CYLC2: variants seen among roughly 807,000 people sequenced by gnomAD.
The protein encoded by CYLC2 is cylicin 2.
Under a neutral mutation model 26.1 loss-of-function variants are expected in CYLC2, and 30 were observed. That is an observed-to-expected ratio of 1.15 (90% confidence interval 0.86 to 1.56). CYLC2 has a LOEUF of 1.56. Among genes scored for constraint, CYLC2 ranks in the 40% most tolerant of loss-of-function variants. The pLI is 0.00. For synonymous variants in CYLC2, 158 were observed against 132.8 expected, an observed-to-expected ratio of 1.19 and a Z score of -1.31; for missense variants, 498 against 394.4, an observed-to-expected ratio of 1.26 and a Z score of -2.23.
At chr9:103,014,758 G>C (rs868442600) in intron 6 of CYLC2, among the ~76,000 whole-genome samples, 4 of 18,192 alleles carry the variant, frequency 2.2e-4, no homozygotes, top group Admixed American at 8.8e-4. Flanking sequence ...ATATACATAT[G>C]TAATATACGT....
At chr9:103,006,759 T>C (rs1423591014) in intron 5 of CYLC2, among the ~76,000 whole-genome samples, 1 of 152,124 alleles carries the variant, frequency 6.6e-6, no homozygotes, top group Admixed American at 6.6e-5. Context: ...ATTGTCTTTT[T>C]CATTTTTGAG....
intron 2 of CYLC2, 107 bp from the exon 3 acceptor site, chr9:103,003,035 A>T: frequency 8.2e-7 from 1 of 1,222,636 alleles, no homozygotes; most frequent in Non-Finnish European, 1.1e-6. Context: ...TCATAATTTG[A>T]ATCACTTGTT....
intron 7 of CYLC2, among the ~76,000 whole-genome samples, chr9:103,017,719 A>T (rs1353675536): frequency 3.9e-5 from 6 of 152,072 alleles, no homozygotes; most frequent in Non-Finnish European, 7.4e-5. Context: ...TAGGACTGCC[A>T]TGACAACAAA....
chr9:103,005,573 T>G lies in CYLC2; in HGVS notation c.942T>G (p.Asp314Glu), dbSNP rs1370764467. Residue 314 changes from aspartate to glutamate, a missense_variant, in exon 5 of 8, where the codon GAT becomes GAG. Asp to Glu is a conservative substitution (Grantham distance 45). Coordinates refer to ENST00000374798, the MANE Select transcript of CYLC2 (RefSeq NM_001340.5). ...AAGATACTGAGAAAGAATCTGCTGA[T>G]TCAAAGAAGGATGCAAAGAAAAATG... ...AKKDTEKESA[D>E]SKKDAKKNAK... The G allele has an allele frequency of 3.1e-6, 5 of 1,608,608 alleles. No homozygotes were observed. In the East Asian group the frequency reaches 1.1e-4, roughly 36 times the overall value.
intron 5 of CYLC2, among the ~76,000 whole-genome samples, chr9:103,010,184 C>T (rs1028055828): frequency 6.6e-6 from 1 of 151,958 alleles, no homozygotes; most frequent in African/African-American, 2.4e-5. Context: ...TAGAAGTTGT[C>T]ATATACCAAG....
In CYLC2 at chr9:103,010,412, C is replaced by T. The variant is rs184902806; in HGVS notation, c.*701-1570C>T. On this transcript the variant is annotated intron_variant, in intron 5 of 7. Transcript: ENST00000374798. ...ACTACTATTTGCTAAACGCTTTCCT[C>T]GTATTATCACTTAATCCTCACAATC... is the stretch of plus-strand genomic sequence containing the variant. 2.5e-3 allele frequency among the ~76,000 whole-genome samples: 381 copies of T among 152,166 alleles called. 2 individuals carry two copies. The highest frequency in any genetic ancestry group is 4.4e-3 in the Non-Finnish European group (302 of 67,948).
intron 7 of CYLC2, among the ~76,000 whole-genome samples, chr9:103,017,895 G>A (rs1829523446): frequency 6.6e-6 from 1 of 151,820 alleles, no homozygotes; most frequent in Admixed American, 6.6e-5. Flanking sequence ...CCTCTGTGTG[G>A]ATCTGTGTTC....
chr9:103,013,716 A>G (rs1266346667), intron 6 of CYLC2, among the ~76,000 whole-genome samples: 2 of 111,070 alleles, frequency 1.8e-5, no homozygotes, highest in African/African-American at 7.4e-5. Flanking sequence ...TATATTATAT[A>G]TATTATGCAT....
intron 6 of CYLC2, among the ~76,000 whole-genome samples, chr9:103,013,156 T>TATATATTGTATAAATATATATTTA (rs1307625424): frequency 9.0e-6 from 1 of 111,240 alleles, no homozygotes; most frequent in South Asian, 2.8e-4. Flanking sequence ...CATATATAAA[T>TATATATTGTATAAATATATATTTA]ATATATTATA....
intron 1 of CYLC2, among the ~76,000 whole-genome samples, chr9:103,000,078 A>G (rs1829273056): frequency 6.6e-6 from 1 of 151,862 alleles, no homozygotes; most frequent in Non-Finnish European, 1.5e-5. Context: ...TTTATAATAT[A>G]AAATATTAAA....
intron 1 of CYLC2, among the ~76,000 whole-genome samples, chr9:102,996,360 C>T (rs1473459539): frequency 6.6e-6 from 1 of 151,732 alleles, no homozygotes; most frequent in Non-Finnish European, 1.5e-5. Flanking sequence ...TGTAAAATAT[C>T]GATGGTATTA....
chr9:103,015,103 GA>G (rs1829482869), intron 6 of CYLC2, among the ~76,000 whole-genome samples: 1 of 36,930 alleles, frequency 2.7e-5, no homozygotes, highest in African/African-American at 9.9e-5. Context: ...TATATCACGT[GA>G]TATACATAAC....
At chr9:103,015,559 G>A (rs1012446176) in intron 6 of CYLC2, among the ~76,000 whole-genome samples, 11 of 141,326 alleles carry the variant, frequency 7.8e-5, no homozygotes, top group Admixed American at 1.5e-4. Context: ...TAAAATATAT[G>A]TATATATACA....
intron 5 of CYLC2, among the ~76,000 whole-genome samples, chr9:103,009,032 A>G (rs79958976): frequency 5.0e-4 from 76 of 152,276 alleles, no homozygotes; most frequent in Non-Finnish European, 9.8e-4. Context: ...TTTGTCTACC[A>G]TGCACTTGTT....
chr9:103,015,395 A>ATTT (rs1351006146), intron 6 of CYLC2, among the ~76,000 whole-genome samples: 1 of 132,686 alleles, frequency 7.5e-6, no homozygotes, highest in East Asian at 2.1e-4. Flanking sequence ...AAATATATAT[A>ATTT]TATGCTTATT....
At chr9:103,003,062 A>G (rs1829303943) in intron 2 of CYLC2, 80 bp from the exon 3 acceptor site, 16 of 1,516,164 alleles carry the variant, frequency 1.1e-5, no homozygotes, top group Non-Finnish European at 1.3e-5. Flanking sequence ...TTTACATGAT[A>G]TACGTTGCAC....
Position 103,007,780 on chromosome 9 carries a change from T to A in CYLC2, c.*700+1402T>A, listed in dbSNP as rs139746330. On this transcript the variant is annotated intron_variant, in intron 5 of 7. Transcript: ENST00000374798. ...ACAAACTTTGGATGCAACATAAAGCTTCTCTTGGACATTAAAGGAAGGGTC... is the reference window on the plus strand; with the variant it reads ...ACAAACTTTGGATGCAACATAAAGCATCTCTTGGACATTAAAGGAAGGGTC... Among the ~76,000 whole-genome samples the A allele has an allele frequency of 1.7e-3, 263 of 152,280 alleles. 2 individuals are homozygous for A. The highest frequency in any genetic ancestry group is 6.0e-3 in the African/African-American group (250 of 41,576).
At chr9:103,014,474 TAA>T (rs1829466895) in intron 6 of CYLC2, among the ~76,000 whole-genome samples, 4 of 139,550 alleles carry the variant, frequency 2.9e-5, no homozygotes, top group South Asian at 4.4e-4. Flanking sequence ...GTAATATACA[TAA>T]TATGTATATT....
At chr9:103,006,650 G>A (rs929937508) in intron 5 of CYLC2, among the ~76,000 whole-genome samples, 1 of 151,958 alleles carries the variant, frequency 6.6e-6, no homozygotes, top group African/African-American at 2.4e-5. Flanking sequence ...TCCTGACCTC[G>A]TGATCCGCCC....
Sources: allele counts gnomAD v4.1 joint callset (sites outside exome capture counted in the v4.1 genomes callset), GRCh38; gene constraint gnomAD v4.1.1; transcripts MANE v1.5; gene names NCBI Gene and HGNC (gene_info 2026-07-23, HGNC 2026-07-21).